CFAP299: variants seen among roughly 807,000 people sequenced by gnomAD.
CFAP299 encodes cilia and flagella associated protein 299, also known as cilia- and flagella-associated protein 299.
A neutral mutation model predicts 27.0 loss-of-function variants in CFAP299; 21 were observed. The ratio of observed to expected loss-of-function variants is 0.78; its 90% confidence interval spans 0.55 to 1.12. CFAP299 has a LOEUF of 1.12. Ranked by LOEUF, CFAP299 falls within the 50% of genes most tolerant of loss-of-function variation. CFAP299 has a pLI of 0.00. For synonymous variants in CFAP299, 104 were observed against 98.1 expected (o/e 1.06, Z -0.36); for missense variants, 310 against 276.6 (o/e 1.12, Z -0.86).
chr4:80,672,544 T>C (rs987605650), intron 3 of CFAP299, among the ~76,000 whole-genome samples: 2 of 152,194 alleles, frequency 1.3e-5, no homozygotes, highest in African/African-American at 4.8e-5. Flanking sequence ...GGATTCCCTC[T>C]TTTTCTATTG....
At chr4:80,491,353 T>C (rs1731123832) in intron 2 of CFAP299, among the ~76,000 whole-genome samples, 1 of 152,118 alleles carries the variant, frequency 6.6e-6, no homozygotes, top group African/African-American at 2.4e-5. Context: ...ATAAAAACAT[T>C]TCAGCAATAG....
intron 3 of CFAP299, among the ~76,000 whole-genome samples, chr4:80,819,805 A>G (rs1469707597): frequency 2.6e-5 from 4 of 152,190 alleles, no homozygotes; most frequent in African/African-American, 7.2e-5. Context: ...TATTAAGCTT[A>G]GAGCCTTATA....
chr4:80,661,814 C>T (rs984990760), intron 3 of CFAP299, among the ~76,000 whole-genome samples: 9 of 152,176 alleles, frequency 5.9e-5, no homozygotes, highest in Non-Finnish European at 4.4e-5. Context: ...AGAAATACTG[C>T]TGAATTCTTT....
At chr4:80,418,582 A>C (rs954438011) in intron 2 of CFAP299, among the ~76,000 whole-genome samples, 1 of 152,312 alleles carries the variant, frequency 6.6e-6, no homozygotes. Flanking sequence ...TGATCTAAAA[A>C]CAATCAAACT....
At chr4:80,789,755 G>A (rs182824841) in intron 3 of CFAP299, among the ~76,000 whole-genome samples, 16 of 152,018 alleles carry the variant, frequency 1.1e-4, no homozygotes, top group Admixed American at 4.6e-4. Flanking sequence ...ACCCTTGACC[G>A]CAATTCCAGT....
chr4:80,647,855 C>T (rs916224101), intron 3 of CFAP299, among the ~76,000 whole-genome samples: 7 of 152,108 alleles, frequency 4.6e-5, no homozygotes, highest in African/African-American at 9.7e-5. Context: ...GGGCGGATCA[C>T]CTGAGGTAAG....
At chr4:80,939,929 A>G (rs1737106122) in intron 4 of CFAP299, among the ~76,000 whole-genome samples, 1 of 152,098 alleles carries the variant, frequency 6.6e-6, no homozygotes, top group Non-Finnish European at 1.5e-5. Flanking sequence ...AAGTCAAGCC[A>G]GGTGTTGAGA....
chr4:80,432,279 G>A (rs1578435910), intron 2 of CFAP299, among the ~76,000 whole-genome samples: 4 of 151,980 alleles, frequency 2.6e-5, no homozygotes, highest in Admixed American at 2.6e-4. Flanking sequence ...AGCCTCCTGA[G>A]TAGCTGGGAT....
In CFAP299 at chr4:80,860,204, G is replaced by A. The variant is rs192823353; in HGVS notation, c.334-9789G>A. On this transcript the variant is annotated intron_variant, in intron 3 of 5. Transcript: ENST00000358105. ...ACCCTTTCTTCCAGTTGATCGCATCGGCTCCTGAGGCTTCTGCATTCTTCC... is the reference window on the plus strand; with the variant it reads ...ACCCTTTCTTCCAGTTGATCGCATCAGCTCCTGAGGCTTCTGCATTCTTCC... Among the ~76,000 whole-genome samples, 540 of 152,018 alleles carry A rather than the reference G, an allele frequency of 3.6e-3. 14 individuals are homozygous for A. The highest frequency in any genetic ancestry group is 1.0e-3 in the South Asian group (5 of 4,806).
chr4:80,722,999 A>C (rs1722928894), intron 3 of CFAP299, among the ~76,000 whole-genome samples: 1 of 152,134 alleles, frequency 6.6e-6, no homozygotes, highest in South Asian at 2.1e-4. Flanking sequence ...TTGAAAAGAT[A>C]CTCCACATGA....
intron 3 of CFAP299, among the ~76,000 whole-genome samples, chr4:80,676,349 A>T (rs1324240448): frequency 6.6e-6 from 1 of 152,124 alleles, no homozygotes; most frequent in Non-Finnish European, 1.5e-5. Flanking sequence ...TGTATTTTTG[A>T]ATTCAGTCTG....
chr4:80,731,352 A>AT (rs760061959), intron 3 of CFAP299, among the ~76,000 whole-genome samples: 1 of 152,220 alleles, frequency 6.6e-6, no homozygotes, highest in Non-Finnish European at 1.5e-5. Flanking sequence ...CATTTAAAAA[A>AT]TGCCCCTTGG....
intron 2 of CFAP299, among the ~76,000 whole-genome samples, chr4:80,497,737 A>G (rs765683254): frequency 3.3e-5 from 5 of 152,146 alleles, no homozygotes; most frequent in Non-Finnish European, 5.9e-5. Context: ...ATTCAAAGTA[A>G]TTGAATATTA....
At chr4:80,689,639 G>A (rs143527530) in intron 3 of CFAP299, among the ~76,000 whole-genome samples, 106,608 of 152,072 alleles carry the variant, frequency 0.7, 41,066 homozygotes, top group Non-Finnish European at 0.85. Context: ...ATCAACTAAC[G>A]AGCAAAATAA....
chr4:80,396,108 AT>A (rs1372600663), intron 2 of CFAP299, among the ~76,000 whole-genome samples: 1 of 151,992 alleles, frequency 6.6e-6, no homozygotes, highest in Non-Finnish European at 1.5e-5. Context: ...AGCATTCTCA[AT>A]TTGCTTAGTT....
chr4:80,842,321 G>A (rs1006555413), intron 3 of CFAP299, among the ~76,000 whole-genome samples: 1 of 152,010 alleles, frequency 6.6e-6, no homozygotes, highest in African/African-American at 2.4e-5. Context: ...CATGTCCCTG[G>A]CTTATCCCTC....
chr4:80,398,296 C>G (rs572000776), intron 2 of CFAP299, among the ~76,000 whole-genome samples: 3 of 152,302 alleles, frequency 2.0e-5, no homozygotes, highest in African/African-American at 7.2e-5. Context: ...CTGTCCCCAT[C>G]AAGCTACCAA....
At chr4:80,603,485 G>A (rs1737477323) in intron 3 of CFAP299, among the ~76,000 whole-genome samples, 2 of 152,150 alleles carry the variant, frequency 1.3e-5, no homozygotes, top group Admixed American at 1.3e-4. Context: ...GCTGAGTGCT[G>A]AGAGTCAGAG....
chr4:80,868,905 CTGTGTGTGTGTGTG>C (rs1184951626), intron 3 of CFAP299, among the ~76,000 whole-genome samples: 7 of 137,680 alleles, frequency 5.1e-5, no homozygotes, highest in South Asian at 2.4e-4. Context: ...GCTTCTCTCT[CTGTGTGTGTGTGTG>C]TGTGTGTGTG....
Sources: gnomAD v4.1 joint callset for allele counts (sites outside exome capture counted in the v4.1 genomes callset) on GRCh38, gnomAD v4.1.1 for gene constraint, MANE v1.5 for transcripts, NCBI Gene and HGNC (gene_info 2026-07-23, HGNC 2026-07-21) for gene names.